The following RGS7 variants were observed in gnomAD, a reference collection of about 807,000 sequenced individuals.
RGS7 encodes regulator of G-protein signaling 7.
Under a neutral mutation model 81.1 loss-of-function variants are expected in RGS7, and 27 were observed. The ratio of observed to expected loss-of-function variants is 0.33; its 90% CI spans 0.25 to 0.46. RGS7 has a LOEUF of 0.46. RGS7 is among the 20% of genes least tolerant of loss of function. The pLI is 1.00. For synonymous variants in RGS7, 208 were observed against 207.7 expected (o/e 1.00, Z -0.01); for missense variants, 396 against 607.4 (o/e 0.65, Z 3.66).
chr1:241,280,539 G>A (rs1008721790), intron 2 of RGS7, among the ~76,000 whole-genome samples: 3 of 152,324 alleles, frequency 2.0e-5, no homozygotes, highest in Non-Finnish European at 4.4e-5. Flanking sequence ...GCTCTGTCAC[G>A]TAGACTGCAG....
intron 2 of RGS7, chr1:241,132,159 C>G (rs2067143987): frequency 1.3e-5 from 2 of 153,732 alleles, no homozygotes; most frequent in African/African-American, 2.4e-5. Flanking sequence ...AACCTGAGGG[C>G]TATTTTGTGT....
chr1:241,179,836 A>G (rs780285397), intron 2 of RGS7, among the ~76,000 whole-genome samples: 1 of 146,818 alleles, frequency 6.8e-6, no homozygotes, highest in Non-Finnish European at 1.5e-5. Context: ...GTACTTGGCA[A>G]ATATACATAA....
rs1016854233 is a variant in RGS7 at position 240,836,375 on chromosome 1, G to T, written c.610-9203C>A. 1.3e-4 allele frequency among the ~76,000 whole-genome samples: 20 copies of T among 152,324 alleles called. 1 individual carries two copies. Among genetic ancestry groups the T allele is most frequent in the Middle Eastern group, 3.4e-3 (1 of 294 alleles). ...CAAGGGGCCCAGTTTGAAGGTTACT[G>T]CAATTATTCAGGCAAGAGATTATGG... On this transcript the variant is annotated intron_variant, in intron 9 of 18. Coordinates refer to ENST00000440928, the MANE Select transcript of RGS7 (RefSeq NM_001364886.1).
intron 6 of RGS7, among the ~76,000 whole-genome samples, chr1:240,898,489 T>A (rs553442640): frequency 1.3e-5 from 2 of 152,348 alleles, no homozygotes; most frequent in East Asian, 3.9e-4. Flanking sequence ...TGTGTCTTTG[T>A]TCTCATTGGT....
intron 6 of RGS7, among the ~76,000 whole-genome samples, chr1:240,912,144 C>T (rs1293308466): frequency 1.2e-5 from 1 of 80,102 alleles, no homozygotes; most frequent in Non-Finnish European, 2.2e-5. Flanking sequence ...CAGCGAGATT[C>T]TGTCTCAAAA....
At chr1:241,137,050 A>T (rs1176675699) in intron 2 of RGS7, among the ~76,000 whole-genome samples, 1 of 152,170 alleles carries the variant, frequency 6.6e-6, no homozygotes, top group African/African-American at 2.4e-5. Context: ...TAGCTGAGGA[A>T]GACATTTCTA....
chr1:241,122,617 C>A (rs1314979417), intron 2 of RGS7, among the ~76,000 whole-genome samples: 2 of 150,122 alleles, frequency 1.3e-5, no homozygotes, highest in Non-Finnish European at 3.0e-5. Context: ...GAGCTGAGAT[C>A]GCGCCATTGC....
chr1:240,811,740 C>T (rs1689889178), intron 14 of RGS7, among the ~76,000 whole-genome samples, 178 bp downstream of exon 14: 1 of 152,162 alleles, frequency 6.6e-6, no homozygotes, highest in South Asian at 2.1e-4. Context: ...GAAATTGATA[C>T]GTTGGACAGC....
intron 2 of RGS7, among the ~76,000 whole-genome samples, chr1:241,266,209 G>A (rs919070407): frequency 1.3e-5 from 2 of 152,144 alleles, no homozygotes; most frequent in East Asian, 1.9e-4. Context: ...AAATCAGAAC[G>A]AGGGCCACTT....
rs114535998 is a variant in RGS7 at position 241,112,276 on chromosome 1, C to A, written c.79-13514G>T. 6.0e-3 allele frequency among the ~76,000 whole-genome samples: 913 copies of A among 152,158 alleles called. 14 individuals carry two copies. Among genetic ancestry groups the A allele is most frequent in the African/African-American group, 0.021 (860 of 41,520 alleles). The stretch of plus-strand genomic sequence containing the variant: ...TTTATGGTAACATACTTATAAAATG[C>A]AGCCCAGAGATGTCTCTGGGATGGT... On this transcript the variant is annotated intron_variant, in intron 2 of 18. Coordinates refer to ENST00000440928, the MANE Select transcript of RGS7 (RefSeq NM_001364886.1).
chr1:241,146,113 C>CAA, intron 2 of RGS7, among the ~76,000 whole-genome samples: 1 of 152,198 alleles, frequency 6.6e-6, no homozygotes, highest in South Asian at 2.1e-4. Context: ...GAAGGAAAAG[C>CAA]AAACACAGTC....
intron 3 of RGS7, among the ~76,000 whole-genome samples, chr1:241,055,025 T>TA (rs2061412845): frequency 6.6e-6 from 1 of 152,084 alleles, no homozygotes; most frequent in Admixed American, 6.5e-5. Context: ...ATGACAACAT[T>TA]AAAAAAATAG....
At chr1:241,014,985 A>G (rs904717953) in intron 3 of RGS7, among the ~76,000 whole-genome samples, 3 of 152,236 alleles carry the variant, frequency 2.0e-5, no homozygotes, top group Non-Finnish European at 4.4e-5. Flanking sequence ...ACAGGGAAAT[A>G]GCGTGAGGTA....
At chr1:240,846,699 T>A (rs1659145769) in intron 9 of RGS7, among the ~76,000 whole-genome samples, 1 of 152,196 alleles carries the variant, frequency 6.6e-6, no homozygotes, top group South Asian at 2.1e-4. Context: ...AGGGTTGGTT[T>A]GTGTAACCAA....
At chr1:241,089,020 C>CCTCTCTCTCTCTCTCTCTCTCTCT (rs1491281246) in intron 3 of RGS7, among the ~76,000 whole-genome samples, 1 of 45,456 alleles carries the variant, frequency 2.2e-5, no homozygotes, top group Non-Finnish European at 3.9e-5. Flanking sequence ...AGCAAGACTC[C>CCTCTCTCTCTCTCTCTCTCTCTCT]ATCTCTCTCT....
chr1:240,931,107 TC>T (rs1467878978), intron 5 of RGS7, among the ~76,000 whole-genome samples: 5 of 152,268 alleles, frequency 3.3e-5, no homozygotes, highest in African/African-American at 1.2e-4. Flanking sequence ...AAGAGTATGT[TC>T]GGCAAGACTC....
chr1:240,827,464 C>A (rs1050487062), intron 9 of RGS7, among the ~76,000 whole-genome samples: 3 of 152,170 alleles, frequency 2.0e-5, no homozygotes, highest in Non-Finnish European at 4.4e-5. Flanking sequence ...GGTGTCAATA[C>A]GTATAGCGAC....
intron 14 of RGS7, among the ~76,000 whole-genome samples, chr1:240,809,130 C>A (rs1170347610): frequency 6.6e-6 from 1 of 152,088 alleles, no homozygotes; most frequent in East Asian, 1.9e-4. Context: ...AAGATAAAAA[C>A]TCATGATATT....
chr1:240,898,068 G>C (rs113677635), intron 6 of RGS7, among the ~76,000 whole-genome samples: 1 of 151,960 alleles, frequency 6.6e-6, no homozygotes, highest in Non-Finnish European at 1.5e-5. Flanking sequence ...GTTTATTTGC[G>C]TAGAGGTGTT....
Sources: allele counts gnomAD v4.1 joint callset (sites outside exome capture counted in the v4.1 genomes callset), GRCh38; gene constraint gnomAD v4.1.1; transcripts MANE v1.5; gene names NCBI Gene and HGNC (gene_info 2026-07-23, HGNC 2026-07-21).